The following MTMR9 variants were observed in gnomAD, a reference collection of about 807,000 sequenced individuals.
The protein encoded by MTMR9 is myotubularin-related protein 9.
Under a neutral mutation model 69.5 loss-of-function variants are expected in MTMR9, and 39 were observed. The observed-to-expected ratio is 0.56, with a 90% CI of 0.43 to 0.73. The LOEUF (loss-of-function observed/expected upper bound fraction) is 0.73, where lower values mean the gene tolerates loss of function less well. Ranked by LOEUF, MTMR9 falls within the 30% of genes least tolerant of loss-of-function variation. The pLI is 0.00. For missense variants in MTMR9, 900 were observed against 671.2 expected (o/e 1.34, Z -3.77); for synonymous variants, 354 against 240.8 (o/e 1.47, Z -4.35).
intron 3 of MTMR9, 34 bp from the exon 4 acceptor site, chr8:11,304,807 G>T (rs774258327): frequency 3.1e-6 from 5 of 1,600,696 alleles, no homozygotes; most frequent in African/African-American, 1.3e-5. Context: ...CATTGAGATA[G>T]TTGCTTAGCT....
chr8:11,305,782 GC>G (rs1259780368), intron 4 of MTMR9, among the ~76,000 whole-genome samples: 2 of 152,184 alleles, frequency 1.3e-5, no homozygotes, highest in African/African-American at 2.4e-5. Context: ...TGCCACTGGT[GC>G]CTTTACTTCT....
chr8:11,297,878 C>G, intron 2 of MTMR9: 1 of 456,240 alleles, frequency 2.2e-6, no homozygotes, highest in South Asian at 1.5e-5. Context: ...TGAACCTGTC[C>G]TCTATCCTTT....
intron 6 of MTMR9, among the ~76,000 whole-genome samples, chr8:11,311,783 GA>G (rs1195187049): frequency 6.6e-6 from 1 of 151,936 alleles, no homozygotes; most frequent in Non-Finnish European, 1.5e-5. Context: ...GATACCGTTT[GA>G]TAGCATTTTT....
downstream of MTMR9, chr8:11,331,361 G>C (rs1174163331): frequency 6.2e-7 from 1 of 1,613,976 alleles, no homozygotes; most frequent in Non-Finnish European, 8.5e-7. Context: ...CTATTGCCCT[G>C]CTACTTAAAC....
the MTMR9 span, among the ~76,000 whole-genome samples, chr8:11,338,887 A>G: frequency 2.0e-5 from 3 of 152,210 alleles, no homozygotes; most frequent in Non-Finnish European, 4.4e-5. Flanking sequence ...GTCATTTACC[A>G]GAATAATTTT....
At chr8:11,331,380 G>A (rs542535033), downstream of MTMR9, 28 of 1,613,878 alleles carry the variant, frequency 1.7e-5, no homozygotes, top group African/African-American at 5.3e-5. Context: ...ACTGCGTGGC[G>A]ACCCCCTTCT....
chr8:11,324,196 A>G lies in MTMR9; in HGVS notation c.*1408A>G, dbSNP rs1286811543. 1.3e-5 allele frequency: 2 copies of G among 152,186 alleles called. No homozygotes were observed. The highest frequency in any genetic ancestry group is 1.9e-4 in the East Asian group (1 of 5,202). 9.4% of individuals were successfully genotyped at this position (152,186 alleles called of 1,614,324 possible). ...AGCTGTGTGTTGAGCTAAAAATATA[A>G]TTTTTTAAAAATTGACTAGCAAAAT... On this transcript the variant is annotated 3_prime_UTR_variant, in exon 10 of 10. Coordinates refer to ENST00000221086, the MANE Select transcript of MTMR9 (RefSeq NM_015458.4).
chr8:11,291,214 A>G (rs1585107751), intron 1 of MTMR9, among the ~76,000 whole-genome samples: 1 of 152,124 alleles, frequency 6.6e-6, no homozygotes, highest in East Asian at 1.9e-4. Flanking sequence ...TGACATCTTG[A>G]CATCCATGAA....
rs575817417 is a variant in MTMR9 at position 11,319,544 on chromosome 8, AT to A, written c.1335-138del. The A allele has an allele frequency of 2.0e-3, 1,601 of 810,810 alleles. 15 individuals are homozygous for A. The African/African-American group carries it at 0.024, about 12-fold the overall frequency. The allele number at this position is 810,810 out of a possible 1,614,324, so 50.2% of individuals were successfully genotyped here. On this transcript the variant is annotated intron_variant, in intron 8 of 9. Transcript: ENST00000221086. ...ATTGAGCTTTTTGACAAATCTATTG[AT>A]TTTTCAACACTTTGTTTCTCTACCA...
intron 8 of MTMR9, 107 bp from the exon 9 acceptor site, chr8:11,319,580 T>C: frequency 8.6e-7 from 1 of 1,166,084 alleles, no homozygotes; most frequent in Non-Finnish European, 1.2e-6. Context: ...AAAAGTCTTG[T>C]ATTCTATCTT....
At position 11,327,983 on chromosome 8, in the gene MTMR9, C is replaced by G. The variant is rs1171336594; in HGVS notation, c.*5195C>G. ...TGGCCGGTTTGTCAAGCTTGGTTTA[C>G]TGAATCAAGAAAGAGTCTTGTCGAA... On this transcript the variant is annotated 3_prime_UTR_variant, in exon 10 of 10. Coordinates refer to ENST00000221086, the MANE Select transcript of MTMR9 (RefSeq NM_015458.4). 6.6e-6 allele frequency: 1 copy of G among 152,144 alleles called. No homozygotes were observed. Among genetic ancestry groups the G allele is most frequent in the South Asian group, 2.1e-4 (1 of 4,828 alleles). 9.4% of individuals were successfully genotyped at this position (152,144 alleles called of 1,614,324 possible).
chr8:11,295,321 A>C lies in MTMR9; in HGVS notation c.291+19A>C, dbSNP rs1799514697. On this transcript the variant is annotated intron_variant, in intron 2 of 9. Coordinates refer to ENST00000221086, the MANE Select transcript of MTMR9 (RefSeq NM_015458.4). ...CATTGAGGTAAGTATTTTGGAAGCA[A>C]AATCTAATGAAACATAATTTTATAT... 7.8e-7 allele frequency: 1 copy of C among 1,274,398 alleles called. No homozygotes were observed. The highest frequency in any genetic ancestry group is 1.2e-5 in the South Asian group (1 of 82,282). The allele number at this position is 1,274,398 out of a possible 1,614,324, so 78.9% of individuals were successfully genotyped here. A position where few individuals can be genotyped will look rare whatever the true frequency, so the allele number is the denominator to read the frequency against.
chr8:11,302,721 A>G (rs1563273169), intron 3 of MTMR9, among the ~76,000 whole-genome samples: 1 of 152,196 alleles, frequency 6.6e-6, no homozygotes, highest in Non-Finnish European at 1.5e-5. Context: ...ACAAGAAGGA[A>G]AAATACAGGG....
intron 1 of MTMR9, among the ~76,000 whole-genome samples, chr8:11,292,220 C>G (rs751130425): frequency 1.3e-5 from 2 of 152,102 alleles, no homozygotes; most frequent in Non-Finnish European, 1.5e-5. Context: ...TTCCATAGTT[C>G]ATTTATTCAC....
chr8:11,305,822 T>C (rs534828181), intron 4 of MTMR9, among the ~76,000 whole-genome samples: 15 of 152,334 alleles, frequency 9.8e-5, no homozygotes, highest in African/African-American at 3.4e-4. Flanking sequence ...CTGCCAACTC[T>C]ATGTATGTTT....
downstream of MTMR9, chr8:11,331,950 G>A (rs777838942): frequency 1.9e-6 from 3 of 1,612,032 alleles, no homozygotes; most frequent in South Asian, 1.1e-5. Context: ...CCCTGCCCTG[G>A]TGTGCGCTGT....
chr8:11,307,260 C>T (rs1198386169), intron 5 of MTMR9, among the ~76,000 whole-genome samples: 1 of 152,044 alleles, frequency 6.6e-6, no homozygotes, highest in Admixed American at 6.5e-5. Context: ...TTAGCAGAGA[C>T]CAGGTTTTGC....
intron 6 of MTMR9, among the ~76,000 whole-genome samples, chr8:11,310,561 G>C (rs930102214): frequency 1.3e-5 from 2 of 152,150 alleles, no homozygotes; most frequent in Non-Finnish European, 2.9e-5. Flanking sequence ...GAGTCCCTTG[G>C]GGTCAAGATT....
chr8:11,314,887 T>C (rs2280802), intron 6 of MTMR9, 36 bp from the exon 7 acceptor site: 30,734 of 1,604,346 alleles, frequency 0.019, 1,045 homozygotes, highest in East Asian at 0.15. Context: ...ATGTTGGACA[T>C]TTCCCATTTG....
Sources: allele counts gnomAD v4.1 joint callset (sites outside exome capture counted in the v4.1 genomes callset), GRCh38; gene constraint gnomAD v4.1.1; transcripts MANE v1.5; gene names NCBI Gene and HGNC (gene_info 2026-07-23, HGNC 2026-07-21).